SHF: variants seen among roughly 807,000 people sequenced by gnomAD.
SHF encodes Src homology 2 domain containing F.
A neutral mutation model predicts 42.4 loss-of-function variants in SHF; 30 were observed. The observed-to-expected ratio is 0.71, with a 90% confidence interval of 0.53 to 0.96. SHF has a LOEUF of 0.96. SHF is among the 40% of genes least tolerant of loss of function. The pLI is 0.00. For synonymous variants in SHF, 264 were observed against 269.9 expected, an observed-to-expected ratio of 0.98 and a Z score of 0.21; for missense variants, 598 against 634.0, an observed-to-expected ratio of 0.94 and a Z score of 0.61.
At chr15:45,192,461 G>A (rs1379502957), upstream of SHF, among the ~76,000 whole-genome samples, 2 of 144,904 alleles carry the variant, frequency 1.4e-5, no homozygotes, top group African/African-American at 2.6e-5. Flanking sequence ...TCTGCCTCCC[G>A]GGTTCACGCC....
intron 6 of SHF, among the ~76,000 whole-genome samples, chr15:45,169,936 T>C (rs1195315927): frequency 6.6e-6 from 1 of 152,190 alleles, no homozygotes; most frequent in Non-Finnish European, 1.5e-5. Flanking sequence ...AGCTCTTCCA[T>C]TAGTGAGAGA....
Position 45,198,848 on chromosome 15 carries a change from T to C in SHF, c.227A>G (p.Gln76Arg), listed in dbSNP as rs528433288. ...ACTCCGCCAGTTGCTTTTCTTCTTC[T>C]GTTTTGGCCCATTAGCCACGGGCTG... Residue 76 changes from glutamine to arginine, a missense_variant, in exon 2 of 8, where the codon CAG becomes CGG. By Grantham distance (43) the Gln-to-Arg change is conservative. Transcript: ENST00000290894. The C allele has an allele frequency of 1.2e-6, 2 of 1,614,024 alleles. No homozygotes were observed. Among genetic ancestry groups the C allele is most frequent in the East Asian group, 2.2e-5 (1 of 44,874 alleles).
intron 6 of SHF, among the ~76,000 whole-genome samples, chr15:45,169,627 C>T (rs777712036): frequency 7.9e-5 from 12 of 152,212 alleles, no homozygotes; most frequent in Non-Finnish European, 1.6e-4. Context: ...TGGGGCTGAC[C>T]CCTTCTCCCT....
chr15:45,193,665 G>A (rs973453462), intron 2 of SHF, among the ~76,000 whole-genome samples: 2 of 152,112 alleles, frequency 1.3e-5, no homozygotes, highest in African/African-American at 4.8e-5. Flanking sequence ...AAAGTATGTC[G>A]CTTTTTAAAA....
exon 1 of SHF, chr15:45,200,969 C>G (rs1469228575): frequency 2.4e-6 from 1 of 418,834 alleles, no homozygotes; most frequent in Non-Finnish European, 4.8e-6. Flanking sequence ...GCGGTCCGTG[C>G]GTACAGCCAA....
At chr15:45,199,796 A>G (rs916508433) in intron 1 of SHF, 7 of 152,002 alleles carry the variant, frequency 4.6e-5, no homozygotes, top group African/African-American at 1.7e-4. Flanking sequence ...TACTAAAAAT[A>G]CAAAAAAACT....
intron 6 of SHF, among the ~76,000 whole-genome samples, chr15:45,169,603 A>C (rs1343203872): frequency 6.6e-6 from 1 of 151,982 alleles, no homozygotes; most frequent in Non-Finnish European, 1.5e-5. Flanking sequence ...GCTTTCCTTC[A>C]CCTCTTCTCA....
At chr15:45,169,171 G>A (rs1386512068) in intron 6 of SHF, among the ~76,000 whole-genome samples, 1 of 152,198 alleles carries the variant, frequency 6.6e-6, no homozygotes, top group Admixed American at 6.5e-5. Context: ...CCTCCATCCT[G>A]AGGTCCACCC....
intron 1 of SHF, among the ~76,000 whole-genome samples, chr15:45,182,794 C>T (rs550379063): frequency 6.6e-6 from 1 of 152,346 alleles, no homozygotes; most frequent in African/African-American, 2.4e-5. Flanking sequence ...GGAAATGGTA[C>T]ATTACTTACC....
intron 3 of SHF, chr15:45,174,148 C>G (rs1897669871): frequency 5.1e-6 from 1 of 197,136 alleles, no homozygotes; most frequent in Admixed American, 5.3e-5. Flanking sequence ...TCCCCACAGC[C>G]TGGGAACTCG....
intron 1 of SHF, among the ~76,000 whole-genome samples, chr15:45,181,854 A>G (rs1458170799): frequency 6.6e-6 from 1 of 152,206 alleles, no homozygotes; most frequent in Non-Finnish European, 1.5e-5. Flanking sequence ...AAAAATAAAT[A>G]AATAAATAAA....
rs1027762019 is a variant in SHF at position 45,187,469 on chromosome 15, G to C, written c.483C>G (p.Pro161=). ...PPADERISGP[P]ASSDRLAILE... ...CGGCACTCACCCTATCGCTGCTGGCGGGGGGTCCGGAGATCCGCTCATCAG... is the reference window on the plus strand; with the variant it reads ...CGGCACTCACCCTATCGCTGCTGGCCGGGGGTCCGGAGATCCGCTCATCAG... Residue 161 remains proline, a synonymous_variant, in exon 1 of 7, where the codon CCC becomes CCG. Transcript: ENST00000690270. 3 of 1,232,020 alleles carry C rather than the reference G, an allele frequency of 2.4e-6. No homozygotes were observed. Among genetic ancestry groups the C allele is most frequent in the Non-Finnish European group, 3.0e-6 (3 of 987,710 alleles). The allele number at this position is 1,232,020 out of a possible 1,614,324, so 76.3% of individuals were successfully genotyped here.
At chr15:45,199,244 G>T in intron 1 of SHF, 1 of 755,596 alleles carries the variant, frequency 1.3e-6, no homozygotes, top group Non-Finnish European at 2.0e-6. Context: ...TCCTCCTTCC[G>T]CAATGCTTCC....
At position 45,167,920 on chromosome 15, in the gene SHF, G is replaced by T; in HGVS notation, c.*27C>A. 6.4e-7 allele frequency: 1 copy of T among 1,567,202 alleles called. No individual in the cohort carries two copies. Among genetic ancestry groups the T allele is most frequent in the Non-Finnish European group, 8.7e-7 (1 of 1,151,638 alleles). ...GTGATGGGCACAGGGCTGGGTACAG[G>T]TCTATCACAGTGCCCTGGCTTCACA... is the stretch of plus-strand genomic sequence containing the variant. On this transcript the variant is annotated 3_prime_UTR_variant, in exon 7 of 7. Coordinates refer to ENST00000690270, the MANE Select transcript of SHF (RefSeq NM_001394037.1).
At chr15:45,178,354 A>T (rs772349699) in intron 1 of SHF, 48 bp from the exon 2 acceptor site, 1 of 1,585,120 alleles carries the variant, frequency 6.3e-7, no homozygotes, top group Admixed American at 1.8e-5. Context: ...CAGAGAGGCA[A>T]CTCTGCTTCT....
chr15:45,191,900 G>A (rs982094967), upstream of SHF, among the ~76,000 whole-genome samples: 12 of 150,306 alleles, frequency 8.0e-5, no homozygotes, highest in African/African-American at 2.7e-4. Flanking sequence ...ACCAGGCTGG[G>A]CAACACGGTG....
intron 2 of SHF, among the ~76,000 whole-genome samples, chr15:45,197,456 G>A (rs1481658538): frequency 1.3e-5 from 2 of 152,180 alleles, no homozygotes; most frequent in African/African-American, 4.8e-5. Context: ...GATAATAAGA[G>A]AAGGGGGACA....
upstream of SHF, among the ~76,000 whole-genome samples, chr15:45,189,211 AAAAG>A (rs1898629761): frequency 6.6e-6 from 1 of 150,600 alleles, no homozygotes; most frequent in Non-Finnish European, 1.5e-5. Flanking sequence ...AAAAAAAAGA[AAAAG>A]AAAAAAGAAA....
At chr15:45,169,077 T>C (rs916176531) in intron 6 of SHF, among the ~76,000 whole-genome samples, 1 of 152,122 alleles carries the variant, frequency 6.6e-6, no homozygotes, top group East Asian at 1.9e-4. Flanking sequence ...AGCCTAAGTG[T>C]TATATACTGC....
Sources: gnomAD v4.1 joint callset for allele counts (sites outside exome capture counted in the v4.1 genomes callset) on GRCh38, gnomAD v4.1.1 for gene constraint, MANE v1.5 for transcripts, NCBI Gene and HGNC (gene_info 2026-07-23, HGNC 2026-07-21) for gene names.